The following PLD1 variants were observed in gnomAD, a reference collection of about 807,000 sequenced individuals.
PLD1 encodes the protein choline phosphatase 1.
Under a neutral mutation model 137.1 loss-of-function variants are expected in PLD1, and 112 were observed. The observed-to-expected ratio is 0.82, with a 90% CI of 0.70 to 0.96. PLD1 has a LOEUF of 0.96. PLD1 is among the 40% of genes least tolerant of loss of function. PLD1 has a pLI of 0.00. For synonymous variants in PLD1, 431 were observed against 454.7 expected (o/e 0.95, Z 0.66); for missense variants, 1,321 against 1,342.0 (o/e 0.98, Z 0.24).
At chr3:171,657,851 C>T (rs1233255567) in intron 21 of PLD1, among the ~76,000 whole-genome samples, 1 of 151,822 alleles carries the variant, frequency 6.6e-6, no homozygotes, top group Non-Finnish European at 1.5e-5. Flanking sequence ...TTTCAAATGA[C>T]ACCAGCAAGA....
intron 1 of PLD1, among the ~76,000 whole-genome samples, chr3:171,791,582 A>G (rs905719818): frequency 6.6e-6 from 1 of 152,092 alleles, no homozygotes; most frequent in East Asian, 1.9e-4. Flanking sequence ...GAAGTGATTA[A>G]TATGGAAAAC....
intron 19 of PLD1, chr3:171,666,403 A>C (rs1712152684): frequency 6.6e-6 from 1 of 152,256 alleles, no homozygotes; most frequent in Admixed American, 6.5e-5. Context: ...CTTATTCACT[A>C]TCACAAGAAC....
intron 23 of PLD1, among the ~76,000 whole-genome samples, chr3:171,625,425 G>A (rs1449211484): frequency 6.6e-6 from 1 of 152,248 alleles, no homozygotes; most frequent in Non-Finnish European, 1.5e-5. Flanking sequence ...TCTGGGGGCA[G>A]GGCACAGACA....
chr3:171,713,012 C>T (rs1717391905), intron 9 of PLD1, among the ~76,000 whole-genome samples: 1 of 152,094 alleles, frequency 6.6e-6, no homozygotes, highest in African/African-American at 2.4e-5. Flanking sequence ...CATATATATT[C>T]ATATACATGA....
intron 1 of PLD1, among the ~76,000 whole-genome samples, chr3:171,764,892 AAAGG>A (rs61475367): frequency 0.011 from 229 of 20,388 alleles, 31 homozygotes; most frequent in African/African-American, 0.034. Flanking sequence ...AGAAAGAAAG[AAAGG>A]AAGGAAGGAA....
chr3:171,773,868 C>T (rs1722497672), intron 1 of PLD1, among the ~76,000 whole-genome samples: 1 of 152,052 alleles, frequency 6.6e-6, no homozygotes, highest in South Asian at 2.1e-4. Context: ...TCTGCCTCAG[C>T]CTCCCGAGTA....
chr3:171,730,190 T>G (rs1578370310), intron 6 of PLD1, among the ~76,000 whole-genome samples: 1 of 152,324 alleles, frequency 6.6e-6, no homozygotes, highest in East Asian at 1.9e-4. Context: ...TAATACAATT[T>G]CAGAATACAA....
chr3:171,754,925 C>G (rs1226759507), intron 1 of PLD1, among the ~76,000 whole-genome samples: 1 of 152,188 alleles, frequency 6.6e-6, no homozygotes, highest in Non-Finnish European at 1.5e-5. Context: ...CCTTGAGACT[C>G]AGCTACTACT....
intron 1 of PLD1, among the ~76,000 whole-genome samples, 151 bp downstream of exon 1, chr3:171,810,248 T>C (rs1724058822): frequency 6.6e-6 from 1 of 151,554 alleles, no homozygotes; most frequent in Admixed American, 6.6e-5. Flanking sequence ...CGCTAGGGAG[T>C]CCGCCGCCGA....
At position 171,674,626 on chromosome 3, in the gene PLD1, A is replaced by G. The variant is rs748944680; in HGVS notation, c.2116-13T>C. The G allele has an allele frequency of 1.5e-6, 2 of 1,322,472 alleles. No homozygotes were observed. Among genetic ancestry groups the G allele is most frequent in the African/African-American group, 1.5e-5 (1 of 68,170 alleles). 81.9% of individuals were successfully genotyped at this position (1,322,472 alleles called of 1,614,324 possible). On this transcript the variant is annotated splice_polypyrimidine_tract_variant and intron_variant, in intron 18 of 26. Coordinates refer to ENST00000351298, the MANE Select transcript of PLD1 (RefSeq NM_002662.5). ...TTGATTTCATAATCTAAAATAAAGAAAAAGGATAAAATATTCAAATGAGAA... is the reference window on the plus strand; with the variant it reads ...TTGATTTCATAATCTAAAATAAAGAGAAAGGATAAAATATTCAAATGAGAA...
rs1481697051 is a variant in PLD1 at position 171,714,130 on chromosome 3, ATCAC to A, written c.759-89_759-86del. The A allele has an allele frequency of 3.9e-5, 32 of 813,258 alleles. No individual in the cohort carries two copies. In the African/African-American group the frequency reaches 4.9e-4, roughly 13 times the overall value. The allele number at this position is 813,258 out of a possible 1,614,324, so 50.4% of individuals were successfully genotyped here. A position where few individuals can be genotyped will look rare whatever the true frequency, so the allele number is the denominator to read the frequency against. On this transcript the variant is annotated intron_variant, in intron 8 of 26. Transcript: ENST00000351298. ...TAATCATTATGACAAGTCTTAAGTA[ATCAC>A]TCTGGCAGACTGTAGACATAATTAC...
intron 10 of PLD1, 68 bp downstream of exon 10, chr3:171,709,492 T>C: frequency 1.5e-6 from 2 of 1,338,474 alleles, no homozygotes; most frequent in Non-Finnish European, 2.1e-6. Context: ...TGATTCCAGG[T>C]GAATTTAGGC....
chr3:171,797,852 T>TC (rs1560308557), intron 1 of PLD1, among the ~76,000 whole-genome samples: 1 of 152,202 alleles, frequency 6.6e-6, no homozygotes, highest in African/African-American at 2.4e-5. Flanking sequence ...AATTTTTTTT[T>TC]CCCTCAATCT....
chr3:171,613,538 T>C (rs781212152), intron 24 of PLD1, among the ~76,000 whole-genome samples: 2 of 152,232 alleles, frequency 1.3e-5, no homozygotes, highest in Admixed American at 6.5e-5. Context: ...TAATCTCAAA[T>C]ACAGATTGTC....
At chr3:171,740,026 A>C (rs1041035867) in intron 1 of PLD1, among the ~76,000 whole-genome samples, 16 of 152,184 alleles carry the variant, frequency 1.1e-4, no homozygotes, top group African/African-American at 3.6e-4. Context: ...GAAGCCATTT[A>C]AATTCCCAGG....
chr3:171,709,007 T>C (rs374950710), intron 10 of PLD1, 169 bp from the exon 11 acceptor site: 10 of 582,654 alleles, frequency 1.7e-5, no homozygotes, highest in African/African-American at 1.5e-4. Context: ...CCAAGTTTCC[T>C]CTGCTGCCTA....
chr3:171,643,364 TC>T (rs1233319882), intron 22 of PLD1, among the ~76,000 whole-genome samples: 1 of 152,052 alleles, frequency 6.6e-6, no homozygotes, highest in Non-Finnish European at 1.5e-5. Flanking sequence ...AAAAATATAG[TC>T]TCAAATAAAG....
At chr3:171,676,609 T>C in intron 18 of PLD1, 106 bp downstream of exon 18, 1 of 853,234 alleles carries the variant, frequency 1.2e-6, no homozygotes, top group South Asian at 1.5e-5. Flanking sequence ...GTGACACAGT[T>C]GTGGCCACAA....
At chr3:171,665,716 A>G (rs1348453274) in intron 19 of PLD1, among the ~76,000 whole-genome samples, 1 of 151,850 alleles carries the variant, frequency 6.6e-6, no homozygotes, top group African/African-American at 2.4e-5. Flanking sequence ...AAAAAAAAAA[A>G]AGACCATTTT....
Sources: gnomAD v4.1 joint callset for allele counts (sites outside exome capture counted in the v4.1 genomes callset) on GRCh38, gnomAD v4.1.1 for gene constraint, MANE v1.5 for transcripts, NCBI Gene and HGNC (gene_info 2026-07-23, HGNC 2026-07-21) for gene names.